ALMS1: variants seen among roughly 807,000 people sequenced by gnomAD.
ALMS1 encodes centrosome-associated protein ALMS1.
In ALMS1, 271 loss-of-function variants were observed where a neutral mutation model predicts 352.2. The observed-to-expected ratio is 0.77, with a 90% CI of 0.70 to 0.85. The LOEUF (loss-of-function observed/expected upper bound fraction) is 0.85. Ranked by LOEUF, ALMS1 falls within the 40% of genes least tolerant of loss-of-function variation. The pLI, the probability that ALMS1 is intolerant of heterozygous loss-of-function variation, is 0.00. For missense variants in ALMS1, 5,445 were observed against 4,870.7 expected (o/e 1.12, Z -3.51); for synonymous variants, 1,865 against 1,761.2 (o/e 1.06, Z -1.48).
chr2:73,483,076 G>C (rs1233872757), intron 9 of ALMS1, among the ~76,000 whole-genome samples: 1 of 148,898 alleles, frequency 6.7e-6, no homozygotes, highest in Admixed American at 6.7e-5. Context: ...ATTTCCTTCA[G>C]TTCTGCTCTG....
intron 10 of ALMS1, among the ~76,000 whole-genome samples, chr2:73,516,782 C>G (rs1316571445): frequency 6.6e-6 from 1 of 152,242 alleles, no homozygotes; most frequent in African/African-American, 2.4e-5. Context: ...TTTTCTGACT[C>G]AGCCCCTTTA....
rs976376773 is a variant in ALMS1 at position 73,417,570 on chromosome 2, A to G, written c.451-1553A>G. On this transcript the variant is annotated intron_variant, in intron 2 of 22. Coordinates refer to ENST00000613296, the MANE Select transcript of ALMS1 (RefSeq NM_001378454.1). ...GTAAGAAATGTGAACATGTTTCAATATAAAGAAATTTTGTGACTTGGGAGG... is the reference window on the plus strand; with the variant it reads ...GTAAGAAATGTGAACATGTTTCAATGTAAAGAAATTTTGTGACTTGGGAGG... 1.5e-4 allele frequency among the ~76,000 whole-genome samples: 23 copies of G among 152,290 alleles called. No homozygotes were observed. In the East Asian group the frequency reaches 3.5e-3, roughly 23 times the overall value.
intron 12 of ALMS1, among the ~76,000 whole-genome samples, chr2:73,545,156 A>G (rs1437271349): frequency 1.3e-5 from 2 of 151,602 alleles, no homozygotes; most frequent in East Asian, 3.9e-4. Flanking sequence ...TGAAGTGTAC[A>G]CTTAAAAATG....
intron 15 of ALMS1, among the ~76,000 whole-genome samples, chr2:73,560,726 T>C (rs1286757777): frequency 6.6e-6 from 1 of 152,240 alleles, no homozygotes; most frequent in South Asian, 2.1e-4. Context: ...CATATTTGTA[T>C]TGTGCAGCCT....
intron 11 of ALMS1, 98 bp from the exon 12 acceptor site, chr2:73,534,726 G>T: frequency 7.4e-7 from 1 of 1,357,124 alleles, no homozygotes; most frequent in Non-Finnish European, 1.0e-6. Flanking sequence ...AATTCCAAAA[G>T]TCATGAACAC....
chr2:73,467,187 A>C (rs1267352375), intron 9 of ALMS1, among the ~76,000 whole-genome samples: 2 of 152,170 alleles, frequency 1.3e-5, no homozygotes, highest in East Asian at 3.8e-4. Flanking sequence ...GGCAGCATGA[A>C]GAGTGAAAAG....
At chr2:73,470,202 T>A (rs1280239330) in intron 9 of ALMS1, 1 of 151,802 alleles carries the variant, frequency 6.6e-6, no homozygotes, top group African/African-American at 2.4e-5. Context: ...TGCTCTAATT[T>A]TTATTCTTTC....
intron 9 of ALMS1, among the ~76,000 whole-genome samples, chr2:73,476,600 A>G (rs1308108701): frequency 6.6e-6 from 1 of 151,834 alleles, no homozygotes; most frequent in Non-Finnish European, 1.5e-5. Context: ...TTCCTTCTTA[A>G]TAATGGCTAT....
chr2:73,449,965 A>T lies in ALMS1; in HGVS notation c.3438A>T (p.Gln1146His). ...CTGTAACCTCAACTTCCTACTCACAACATAGAGAAAAGCCCAGCATTTTCC... is the reference window on the plus strand; with the variant it reads ...CTGTAACCTCAACTTCCTACTCACATCATAGAGAAAAGCCCAGCATTTTCC... ...TPTVTSTSYS[Q>H]HREKPSIFHQ... The change falls in exon 8 of 23, where the codon CAA (glutamine) becomes CAT (histidine). Residue 1146 changes from glutamine (Q) to histidine (H), a missense_variant. By Grantham distance (24) the Gln-to-His change is conservative. Transcript: ENST00000613296. The T allele has an allele frequency of 6.8e-6, 11 of 1,613,898 alleles. No individual in the cohort carries two copies. The highest frequency in any genetic ancestry group is 8.5e-6 in the Non-Finnish European group (10 of 1,179,932).
intron 10 of ALMS1, 69 bp downstream of exon 10, chr2:73,491,567 G>A: frequency 4.6e-6 from 7 of 1,533,464 alleles, no homozygotes; most frequent in Non-Finnish European, 6.3e-6. Flanking sequence ...TACTTAAGTA[G>A]ATATCGGTTC....
rs748735648 is a variant in ALMS1 at position 73,453,315 on chromosome 2, G to A, written c.6788G>A (p.Arg2263Gln). The change falls in exon 8 of 23, where the codon CGG becomes CAG. Residue 2263 changes from arginine (R) to glutamine (Q), a missense_variant. Physicochemically the swap from Arg to Gln is conservative, Grantham distance 43 (BLOSUM62 1). Transcript: ENST00000613296. ...AGTGCTAAAACTCTTAAGGAAATTC[G>A]GACACTTTTGATGGAGGCAGAAAAT... The part of the protein sequence containing the change: ...ENSAKTLKEI[R>Q]TLLMEAENMA... 9.3e-6 allele frequency: 15 copies of A among 1,613,678 alleles called. No homozygotes were observed. Among genetic ancestry groups the A allele is most frequent in the Middle Eastern group, 1.6e-4 (1 of 6,084 alleles).
chr2:73,543,294 G>C (rs1456406066), intron 12 of ALMS1, among the ~76,000 whole-genome samples: 1 of 152,234 alleles, frequency 6.6e-6, no homozygotes, highest in African/African-American at 2.4e-5. Flanking sequence ...AAATGGTGCT[G>C]GGAAAGCTGC....
intron 12 of ALMS1, among the ~76,000 whole-genome samples, chr2:73,545,154 A>G (rs1293055736): frequency 2.6e-5 from 4 of 151,884 alleles, no homozygotes; most frequent in Non-Finnish European, 4.4e-5. Flanking sequence ...ACTGAAGTGT[A>G]CACTTAAAAA....
chr2:73,526,227 G>A (rs747498340), intron 11 of ALMS1, among the ~76,000 whole-genome samples: 8 of 152,046 alleles, frequency 5.3e-5, no homozygotes, highest in African/African-American at 1.9e-4. Context: ...CTCCAGTTTC[G>A]TTCTTTATGC....
Position 73,599,396 on chromosome 2 carries a change from T to C in ALMS1, c.11548-5T>C, listed in dbSNP as rs1239982754. The C allele has an allele frequency of 2.0e-5, 32 of 1,612,516 alleles. No homozygotes were observed. Among genetic ancestry groups the C allele is most frequent in the Non-Finnish European group, 2.6e-5 (31 of 1,179,688 alleles). On this transcript the variant is annotated splice_region_variant and splice_polypyrimidine_tract_variant and intron_variant, in intron 16 of 22. Transcript: ENST00000613296. ...ATAATAACAAGATCTCTTTTATTTT[T>C]CTAGGTAGCAAACCATGTGATTTCT...
intron 1 of ALMS1, among the ~76,000 whole-genome samples, chr2:73,398,429 A>G (rs1336416357): frequency 1.3e-5 from 2 of 152,088 alleles, no homozygotes; most frequent in African/African-American, 4.8e-5. Flanking sequence ...TCCAATTCGG[A>G]GTCTTTTGCC....
intron 12 of ALMS1, 71 bp downstream of exon 12, chr2:73,535,020 A>T: frequency 6.3e-7 from 1 of 1,582,742 alleles, no homozygotes; most frequent in South Asian, 1.1e-5. Flanking sequence ...TTGATTCTGG[A>T]GTGACAAAAG....
At chr2:73,414,712 T>C (rs1671151708) in intron 2 of ALMS1, among the ~76,000 whole-genome samples, 1 of 152,122 alleles carries the variant, frequency 6.6e-6, no homozygotes, top group African/African-American at 2.4e-5. Context: ...TCTTGGGTTC[T>C]TCTGGTTTTT....
chr2:73,555,492 G>T (rs542161113), intron 13 of ALMS1, among the ~76,000 whole-genome samples: 33 of 152,226 alleles, frequency 2.2e-4, no homozygotes, highest in African/African-American at 7.7e-4. Flanking sequence ...AAGTAAATGG[G>T]ATAACTAAGT....
Sources: allele counts gnomAD v4.1 joint callset (sites outside exome capture counted in the v4.1 genomes callset), GRCh38; gene constraint gnomAD v4.1.1; transcripts MANE v1.5; gene names NCBI Gene and HGNC (gene_info 2026-07-23, HGNC 2026-07-21).